Variants in DENND1B observed in about 807,000 individuals in gnomAD.
The protein encoded by DENND1B is DENN domain-containing protein 1B.
DENND1B carries 59 observed loss-of-function variants against 90.1 expected under a neutral mutation model. The ratio of observed to expected loss-of-function variants is 0.65; its 90% CI spans 0.53 to 0.81. The LOEUF is 0.81. Among genes scored for constraint, DENND1B ranks in the 40% least tolerant of loss-of-function variants. DENND1B has a pLI of 0.00. For synonymous variants in DENND1B, 337 were observed against 324.6 expected (o/e 1.04, Z -0.41); for missense variants, 862 against 912.6 (o/e 0.94, Z 0.71).
intron 2 of DENND1B, among the ~76,000 whole-genome samples, chr1:197,741,756 A>C (rs909460615): frequency 3.9e-5 from 6 of 152,150 alleles, no homozygotes; most frequent in Admixed American, 3.3e-4. Context: ...AATGGGCATA[A>C]ACTACATACA....
chr1:197,588,732 C>T (rs962787334), intron 14 of DENND1B, among the ~76,000 whole-genome samples: 27 of 152,104 alleles, frequency 1.8e-4, no homozygotes, highest in African/African-American at 6.0e-4. Context: ...GGTTATACAG[C>T]ATTTTTCTTC....
intron 2 of DENND1B, among the ~76,000 whole-genome samples, chr1:197,718,025 C>T (rs1660803730): frequency 6.6e-6 from 1 of 151,606 alleles, no homozygotes; most frequent in African/African-American, 2.4e-5. Flanking sequence ...CCTAATATAC[C>T]CACACTGTAG....
At chr1:197,709,775 C>A (rs1414070472) in intron 3 of DENND1B, among the ~76,000 whole-genome samples, 1 of 133,602 alleles carries the variant, frequency 7.5e-6, no homozygotes, top group South Asian at 2.5e-4. Flanking sequence ...TTAAAAGACA[C>A]AGACTGGCAA....
At chr1:197,661,871 G>A (rs1239504986) in intron 5 of DENND1B, among the ~76,000 whole-genome samples, 1 of 151,742 alleles carries the variant, frequency 6.6e-6, no homozygotes, top group Non-Finnish European at 1.5e-5. Context: ...TTTTCATTAA[G>A]AAGCTAATTT....
chr1:197,744,885 G>A (rs148084568), intron 2 of DENND1B, among the ~76,000 whole-genome samples: 529 of 152,316 alleles, frequency 3.5e-3, no homozygotes, highest in African/African-American at 8.5e-3. Context: ...TGGATAACTT[G>A]CTACAGCTTC....
intron 2 of DENND1B, among the ~76,000 whole-genome samples, chr1:197,744,509 T>C (rs1218171017): frequency 6.6e-6 from 1 of 152,234 alleles, no homozygotes; most frequent in Non-Finnish European, 1.5e-5. Flanking sequence ...AATCTTTTTT[T>C]CTAAGCAGTA....
At chr1:197,641,352 T>TA (rs1210097341) in intron 10 of DENND1B, among the ~76,000 whole-genome samples, 1 of 152,068 alleles carries the variant, frequency 6.6e-6, no homozygotes, top group African/African-American at 2.4e-5. Flanking sequence ...AATAGTAAGT[T>TA]AAAAAATAGC....
rs532794550 is a variant in DENND1B, at chr1:197,603,511, A to G, written c.921+3562T>C. Among the ~76,000 whole-genome samples, 20 of 151,392 alleles carry G rather than the reference A, an allele frequency of 1.3e-4. No homozygotes were observed. The East Asian group carries it at 3.9e-3, about 29-fold the overall frequency. On this transcript the variant is annotated intron_variant, in intron 13 of 22. Coordinates refer to ENST00000620048, the MANE Select transcript of DENND1B (RefSeq NM_001195215.2). ...TACAATCTAATAAGTTTAAATTATT[A>G]GAGACCGTTAAGCAATACAGGTAAA...
intron 15 of DENND1B, among the ~76,000 whole-genome samples, chr1:197,559,324 A>G (rs991334138): frequency 1.1e-4 from 16 of 151,968 alleles, no homozygotes; most frequent in African/African-American, 3.1e-4. Context: ...AGATTCTGGT[A>G]GAGAGATGAG....
intron 19 of DENND1B, among the ~76,000 whole-genome samples, chr1:197,540,273 TTAA>T (rs1478681740): frequency 3.3e-5 from 5 of 151,800 alleles, no homozygotes; most frequent in Admixed American, 1.3e-4. Flanking sequence ...GTTAATGATC[TTAA>T]TTATTTATAC....
At chr1:197,549,851 T>C (rs1048105731) in intron 16 of DENND1B, among the ~76,000 whole-genome samples, 2 of 152,084 alleles carry the variant, frequency 1.3e-5, no homozygotes, top group Non-Finnish European at 2.9e-5. Context: ...AGAGGCAGTT[T>C]TTGAAAAAAT....
At chr1:197,740,885 T>C (rs1464411614) in intron 2 of DENND1B, among the ~76,000 whole-genome samples, 12 of 152,190 alleles carry the variant, frequency 7.9e-5, no homozygotes, top group Non-Finnish European at 1.8e-4. Flanking sequence ...TTTGTCACAT[T>C]CACTTGCTTT....
At chr1:197,604,436 G>T (rs1292678158) in intron 13 of DENND1B, among the ~76,000 whole-genome samples, 1 of 151,172 alleles carries the variant, frequency 6.6e-6, no homozygotes, top group Non-Finnish European at 1.5e-5. Context: ...ATATTGGAAT[G>T]AAGCCATTAA....
intron 20 of DENND1B, among the ~76,000 whole-genome samples, chr1:197,520,681 AGGGTACATTTTTTT>A (rs1668709899): frequency 6.6e-6 from 1 of 151,964 alleles, no homozygotes; most frequent in Non-Finnish European, 1.5e-5. Flanking sequence ...GTGCAAAACA[AGGGTACATTTTTTT>A]GGATGTAAAA....
chr1:197,535,872 G>T (rs185907140), intron 20 of DENND1B, among the ~76,000 whole-genome samples: 1 of 152,094 alleles, frequency 6.6e-6, no homozygotes, highest in African/African-American at 2.4e-5. Flanking sequence ...CATTTCTAGT[G>T]GCTGCTTCAA....
intron 3 of DENND1B, among the ~76,000 whole-genome samples, chr1:197,705,645 A>AC (rs1659452113): frequency 1.9e-5 from 1 of 53,294 alleles, no homozygotes. Flanking sequence ...AAAGGTAGAA[A>AC]TTTAAAAAAA....
intron 20 of DENND1B, among the ~76,000 whole-genome samples, chr1:197,524,979 T>G (rs944498404): frequency 6.6e-6 from 1 of 152,114 alleles, no homozygotes; most frequent in Non-Finnish European, 1.5e-5. Context: ...AGAAACACAG[T>G]AGTTTATAAT....
Position 197,764,988 on chromosome 1 carries a change from G to A in DENND1B, c.82+7880C>T, listed in dbSNP as rs115602286. ...TGACAGCAGAGGGGATCCAGGAATT[G>A]TAAAAGGCATCAAAGCAATTCCCTC... On this transcript the variant is annotated intron_variant, in intron 2 of 22. Coordinates refer to ENST00000620048, the MANE Select transcript of DENND1B (RefSeq NM_001195215.2). 9.6e-3 allele frequency among the ~76,000 whole-genome samples: 1,465 copies of A among 152,240 alleles called. 9 individuals carry two copies. The highest frequency in any genetic ancestry group is 0.014 in the Non-Finnish European group (930 of 68,018).
chr1:197,608,484 A>G (rs1178269647), intron 12 of DENND1B, among the ~76,000 whole-genome samples: 1 of 150,638 alleles, frequency 6.6e-6, no homozygotes, highest in South Asian at 2.1e-4. Flanking sequence ...AAATACATAT[A>G]TGTGTAGTTA....
Sources: gnomAD v4.1 joint callset for allele counts (sites outside exome capture counted in the v4.1 genomes callset) on GRCh38, gnomAD v4.1.1 for gene constraint, MANE v1.5 for transcripts, NCBI Gene and HGNC (gene_info 2026-07-23, HGNC 2026-07-21) for gene names.